Variants in NCAPD3 observed in about 807,000 individuals in gnomAD.
NCAPD3 encodes non-SMC condensin II complex subunit D3.
Under a neutral mutation model 182.9 loss-of-function variants are expected in NCAPD3, and 105 were observed. That is an observed-to-expected ratio of 0.57 (90% CI 0.49 to 0.68). The LOEUF is 0.68. Ranked by LOEUF, NCAPD3 falls within the 30% of genes least tolerant of loss-of-function variation. The pLI is 0.00. For missense variants in NCAPD3, 1,944 were observed against 1,837.0 expected, an observed-to-expected ratio of 1.06 and a Z score of -1.07; for synonymous variants, 815 against 679.9, an observed-to-expected ratio of 1.20 and a Z score of -3.09.
intron 8 of NCAPD3, among the ~76,000 whole-genome samples, chr11:134,206,114 T>A (rs372220306): frequency 1.3e-5 from 2 of 152,284 alleles, no homozygotes; most frequent in East Asian, 3.9e-4. Context: ...AGTCTAACAC[T>A]TATTGCTACG....
At chr11:134,154,480 C>CG (rs1274291392) in intron 32 of NCAPD3, among the ~76,000 whole-genome samples, 1 of 148,952 alleles carries the variant, frequency 6.7e-6, no homozygotes, top group East Asian at 2.0e-4. Context: ...TCTCTGCACC[C>CG]CCCCCCCCAC....
chr11:134,210,891 T>C (rs184967322), intron 3 of NCAPD3, among the ~76,000 whole-genome samples: 8 of 152,288 alleles, frequency 5.3e-5, no homozygotes. Flanking sequence ...GGTCTTACTA[T>C]GTTGAAAAAG....
chr11:134,156,312 C>G (rs1159985109), intron 32 of NCAPD3, among the ~76,000 whole-genome samples: 1 of 152,126 alleles, frequency 6.6e-6, no homozygotes, highest in African/African-American at 2.4e-5. Flanking sequence ...CTGTGCACAG[C>G]CGGGCGCAGA....
chr11:134,157,132 C>A, intron 31 of NCAPD3, 37 bp from the exon 32 acceptor site: 1 of 1,529,274 alleles, frequency 6.5e-7, no homozygotes, highest in Non-Finnish European at 9.0e-7. Flanking sequence ...AGAAATACCC[C>A]CAAACAATAA....
chr11:134,203,902 G>T lies in NCAPD3; in HGVS notation c.1220C>A (p.Pro407Gln), dbSNP rs921358212. Residue 407 changes from proline (P) to glutamine (Q), a missense_variant, in exon 11 of 35, where the codon CCA becomes CAA. Coordinates refer to ENST00000534548, the MANE Select transcript of NCAPD3 (RefSeq NM_015261.3). The stretch of plus-strand genomic sequence containing the variant: ...AACATCAAGAGTAAAAACCCGGTGT[G>T]GGATCTGGTAAAGCAAGATCATAAG... ...LYKYSRSSKI[P>Q]HRVFTLDVVL... 8 of 1,613,282 alleles carry T rather than the reference G, an allele frequency of 5.0e-6. No homozygotes were observed. The highest frequency in any genetic ancestry group is 1.3e-5 in the African/African-American group (1 of 74,852).
In NCAPD3 at chr11:134,181,269, T is replaced by C. The variant is rs1944290911; in HGVS notation, c.2452-85A>G. The C allele has an allele frequency of 4.5e-6, 4 of 881,608 alleles. No individual in the cohort carries two copies. The East Asian group carries it at 1.1e-4, about 23-fold the overall frequency. The allele number at this position is 881,608 out of a possible 1,614,324, so 54.6% of individuals were successfully genotyped here. ...AACACCATGTTCTCAGAAGAAACTA[T>C]GATCTTCAAATGGATAGGCTGTAGG... is the stretch of plus-strand genomic sequence containing the variant. On this transcript the variant is annotated intron_variant, in intron 19 of 34. Transcript: ENST00000534548.
At chr11:134,210,116 C>T (rs1212687085) in intron 4 of NCAPD3, among the ~76,000 whole-genome samples, 154 bp downstream of exon 4, 2 of 152,022 alleles carry the variant, frequency 1.3e-5, no homozygotes, top group Admixed American at 1.3e-4. Context: ...TTATATGAAG[C>T]CGAAGACACA....
rs1007604450 is a variant in NCAPD3, at chr11:134,206,877, A to G, written c.883-145T>C. On this transcript the variant is annotated intron_variant, in intron 7 of 34. Transcript: ENST00000534548. ...ATTGCTGGCTGAACACTAGGGATATATTTCTTAAACAATGAGCAGGGATAC... is the reference window on the plus strand; with the variant it reads ...ATTGCTGGCTGAACACTAGGGATATGTTTCTTAAACAATGAGCAGGGATAC... 21 of 738,158 alleles carry G rather than the reference A, an allele frequency of 2.8e-5. No individual in the cohort carries two copies. The African/African-American group carries it at 3.3e-4, about 12-fold the overall frequency. 45.7% of individuals were successfully genotyped at this position (738,158 alleles called of 1,614,324 possible).
chr11:134,184,750 C>T lies in NCAPD3; in HGVS notation c.2338G>A (p.Ala780Thr). The change falls in exon 19 of 35, where the codon GCT (alanine) becomes ACT (threonine). Residue 780 changes from alanine (A) to threonine (T), a missense_variant and splice_region_variant. This residue lies in a region of NCAPD3 where 1,803 missense variants were observed against 1,674.6 expected (regional missense o/e 1.08). Transcript: ENST00000534548. ...AATCCATTCAGCTTACACTTGACAGCATCTATGAAGGAAGTCAAAACCCCT... is the reference window on the plus strand; with the variant it reads ...AATCCATTCAGCTTACACTTGACAGTATCTATGAAGGAAGTCAAAACCCCT... ...PKSTRDKVTDAVKCKLNGFQW... is the reference protein window; with the variant it reads ...PKSTRDKVTDTVKCKLNGFQW... 6.2e-7 allele frequency: 1 copy of T among 1,605,240 alleles called. No homozygotes were observed. Among genetic ancestry groups the T allele is most frequent in the African/African-American group, 1.3e-5 (1 of 74,586 alleles).
At chr11:134,168,281 C>T in intron 26 of NCAPD3, 86 bp from the exon 27 acceptor site, 1 of 1,447,232 alleles carries the variant, frequency 6.9e-7, no homozygotes, top group Non-Finnish European at 9.6e-7. Flanking sequence ...ACTGGGGGGC[C>T]ATCTGAGGCT....
At position 134,157,936 on chromosome 11, in the gene NCAPD3, C is replaced by A. The variant is rs1446051198; in HGVS notation, c.4166G>T (p.Cys1389Phe). ...TLNSGSPEKT[C>F]SQVSSYSLEQ... The stretch of plus-strand genomic sequence containing the variant: ...CCAAACATAAGGCTTACCCTGACTG[C>A]ACGTTTTTTCTGGGCTTCCAGAATT... Residue 1389 changes from cysteine to phenylalanine, a missense_variant, in exon 31 of 35, where the codon TGC becomes TTC. By Grantham distance (205) the Cys-to-Phe change is radical. Transcript: ENST00000534548. The A allele has an allele frequency of 6.2e-7, 1 of 1,613,552 alleles. No homozygotes were observed. Among genetic ancestry groups the A allele is most frequent in the African/African-American group, 1.3e-5 (1 of 74,924 alleles).
upstream of NCAPD3, chr11:134,224,973 C>T: frequency 1.8e-6 from 1 of 541,256 alleles, no homozygotes; most frequent in Non-Finnish European, 2.7e-6. Flanking sequence ...CGTCGGCGCC[C>T]ACTGCCCGGC....
Position 134,177,416 on chromosome 11 carries a change from T to C in NCAPD3, c.2824A>G (p.Ile942Val). Reference protein sequence around the residue: ...LQHEDLAKKSIPALVRELEVC... With the variant: ...LQHEDLAKKSVPALVRELEVC... Reference sequence around the variant, plus strand: ...TCGAGCTCTCGCACCAGGGCTGGGATGCTCTTCTTTGCCAGATCCTCGTGC... The same window carrying C: ...TCGAGCTCTCGCACCAGGGCTGGGACGCTCTTCTTTGCCAGATCCTCGTGC... The change falls in exon 23 of 35, where the codon ATC (isoleucine) becomes GTC (valine). Residue 942 changes from isoleucine to valine, a missense_variant. Ile to Val is a conservative substitution (Grantham distance 29, BLOSUM62 3). Transcript: ENST00000534548. The C allele has an allele frequency of 1.2e-6, 2 of 1,614,144 alleles. No individual in the cohort carries two copies. The highest frequency in any genetic ancestry group is 1.7e-6 in the Non-Finnish European group (2 of 1,179,966).
chr11:134,166,804 A>G (rs1415074070), intron 27 of NCAPD3, among the ~76,000 whole-genome samples: 12 of 47,516 alleles, frequency 2.5e-4, no homozygotes, highest in South Asian at 1.0e-3. Flanking sequence ...AGAGGAGCTT[A>G]GGGGAGCTGC....
intron 23 of NCAPD3, 72 bp downstream of exon 23, chr11:134,177,147 T>C (rs917379630): frequency 1.3e-5 from 15 of 1,184,270 alleles, no homozygotes; most frequent in South Asian, 5.1e-5. Context: ...ACATTTCCTA[T>C]GCTACTCAAA....
At chr11:134,182,437 T>C (rs142814107) in intron 19 of NCAPD3, among the ~76,000 whole-genome samples, 2 of 152,224 alleles carry the variant, frequency 1.3e-5, no homozygotes, top group Non-Finnish European at 2.9e-5. Flanking sequence ...CTTCATAAAT[T>C]TGAATTTAGC....
At chr11:134,186,120 T>C (rs1430834842) in intron 16 of NCAPD3, 1 of 152,200 alleles carries the variant, frequency 6.6e-6, no homozygotes, top group African/African-American at 2.4e-5. Flanking sequence ...ATGCAATAAC[T>C]TAATACCACT....
chr11:134,165,315 T>C (rs1241180198), intron 27 of NCAPD3, among the ~76,000 whole-genome samples: 1 of 150,354 alleles, frequency 6.7e-6, no homozygotes, highest in African/African-American at 2.5e-5. Context: ...GCACACTCAC[T>C]TGTGACATGA....
chr11:134,203,576 G>A, intron 11 of NCAPD3, 78 bp downstream of exon 11: 1 of 1,545,456 alleles, frequency 6.5e-7, no homozygotes, highest in Non-Finnish European at 8.7e-7. Flanking sequence ...TTTTGCCACA[G>A]AAAAGAACGA....
Sources: gnomAD v4.1 joint callset for allele counts (sites outside exome capture counted in the v4.1 genomes callset) on GRCh38, gnomAD v4.1.1 for gene constraint, gnomAD v4.1.1 regional missense constraint, MANE v1.5 for transcripts, NCBI Gene and HGNC (gene_info 2026-07-23, HGNC 2026-07-21) for gene names.